LHX4: variants seen among roughly 807,000 people sequenced by gnomAD.
The protein encoded by LHX4 is LIM/homeobox protein Lhx4.
In LHX4, 16 loss-of-function variants were observed where a neutral mutation model predicts 39.2. The ratio of observed to expected loss-of-function variants is 0.41; its 90% CI spans 0.28 to 0.62. LHX4 has a LOEUF of 0.62. Among genes scored for constraint, LHX4 ranks in the 20% least tolerant of loss-of-function variants. The pLI is 0.33. For synonymous variants in LHX4, 206 were observed against 198.1 expected, an observed-to-expected ratio of 1.04 and a Z score of -0.33; for missense variants, 439 against 511.9, an observed-to-expected ratio of 0.86 and a Z score of 1.37.
At chr1:180,248,226 G>C in intron 1 of LHX4, 59 bp from the exon 2 acceptor site, 1 of 1,580,742 alleles carries the variant, frequency 6.3e-7, no homozygotes, top group Non-Finnish European at 8.7e-7. Context: ...CCAGGGCCTG[G>C]CCTGGTTAGC....
chr1:180,255,764 C>T lies in LHX4; in HGVS notation c.248+7308C>T, dbSNP rs527977346. On this transcript the variant is annotated intron_variant, in intron 2 of 5. Coordinates refer to ENST00000263726, the MANE Select transcript of LHX4 (RefSeq NM_033343.4). ...CCAGAGCGTGCAGTTCAGCTGCAGTCGCCTGGGCCACCCTCCCCGAGTGGG... is the reference window on the plus strand; with the variant it reads ...CCAGAGCGTGCAGTTCAGCTGCAGTTGCCTGGGCCACCCTCCCCGAGTGGG... 8.3e-4 allele frequency among the ~76,000 whole-genome samples: 127 copies of T among 152,368 alleles called. 1 individual carries two copies. Among genetic ancestry groups the T allele is most frequent in the Non-Finnish European group, 9.8e-4 (67 of 68,038 alleles).
At position 180,271,647 on chromosome 1, in the gene LHX4, G is replaced by A. The variant is rs923114358; in HGVS notation, c.606+113G>A. ...GGTTGGGCTCAGGGCTTGACCCCAG[G>A]GCTTTTGCCAGAACTGAAGACAGAG... On this transcript the variant is annotated intron_variant, in intron 4 of 5. Transcript: ENST00000263726. 5 of 1,437,322 alleles carry A rather than the reference G, an allele frequency of 3.5e-6. No individual in the cohort carries two copies. The African/African-American group carries it at 5.6e-5, about 16-fold the overall frequency. 89.0% of individuals were successfully genotyped at this position (1,437,322 alleles called of 1,614,324 possible). A position where few individuals can be genotyped will look rare whatever the true frequency, so the allele number is the denominator to read the frequency against.
intron 1 of LHX4, among the ~76,000 whole-genome samples, chr1:180,231,344 CT>C (rs1440583378): frequency 6.6e-6 from 1 of 151,762 alleles, no homozygotes; most frequent in Non-Finnish European, 1.5e-5. Context: ...TGTGTGGGAG[CT>C]TTGCTAGCCT....
At chr1:180,255,398 G>A (rs774968883) in intron 2 of LHX4, among the ~76,000 whole-genome samples, 16 of 152,060 alleles carry the variant, frequency 1.1e-4, no homozygotes, top group Non-Finnish European at 1.6e-4. Flanking sequence ...GCACACACGC[G>A]TGCACACACA....
rs1664260804 is a variant in LHX4 at position 180,234,267 on chromosome 1, T to C, written c.76+3662T>C. Among the ~76,000 whole-genome samples the C allele has an allele frequency of 6.9e-6, 1 of 144,688 alleles. No individual in the cohort carries two copies. The highest frequency in any genetic ancestry group is 2.2e-4 in the South Asian group (1 of 4,604). The allele number at this position is 144,688 out of a possible 152,430, so 94.9% of individuals were successfully genotyped here. The stretch of plus-strand genomic sequence containing the variant: ...ATTCCGAACATTCCGATATAGCAGC[T>C]GTAGGCACCATAGACCTCCCTCCCT... On this transcript the variant is annotated intron_variant, in intron 1 of 5. Transcript: ENST00000263726. The surrounding 1 kb of genome is among the most constrained non-coding windows in gnomAD (Gnocchi z 4.8).
At chr1:180,229,424 G>A (rs1356809729), upstream of LHX4, among the ~76,000 whole-genome samples, 4 of 152,118 alleles carry the variant, frequency 2.6e-5, no homozygotes, top group African/African-American at 7.2e-5. Context: ...GGGGACGCGC[G>A]CGGGGGGCCT....
upstream of LHX4, among the ~76,000 whole-genome samples, chr1:180,228,702 A>C (rs113542020): frequency 3.7e-4 from 56 of 152,314 alleles, no homozygotes; most frequent in African/African-American, 1.2e-3. Context: ...AGGACACACA[A>C]AAGTCACTGT....
intron 2 of LHX4, among the ~76,000 whole-genome samples, chr1:180,253,106 C>G (rs1647696324): frequency 6.6e-6 from 1 of 152,170 alleles, no homozygotes; most frequent in South Asian, 2.1e-4. Flanking sequence ...CAGGAGAGCC[C>G]ACCCCTGGTG....
rs1174321826 is a variant in LHX4 at position 180,248,617 on chromosome 1, C to G, written c.248+161C>G. 9.4e-6 allele frequency: 7 copies of G among 748,054 alleles called. No individual in the cohort carries two copies. The East Asian group carries it at 1.9e-4, about 20-fold the overall frequency. The allele number at this position is 748,054 out of a possible 1,614,324, so 46.3% of individuals were successfully genotyped here. A position where few individuals can be genotyped will look rare whatever the true frequency, so the allele number is the denominator to read the frequency against. On this transcript the variant is annotated intron_variant, in intron 2 of 5. Transcript: ENST00000263726. ...GAGAGGATGCCCCTTGTTGAGGTCC[C>G]CCTTCTGATCACTGGCCCATCACTG...
rs138212060 is a variant in LHX4 at position 180,246,580 on chromosome 1, A to G, written c.77-1705A>G. ...ACAAAAAGTAGCCGGGTGTGGTGGT[A>G]TGCGCCTGTAATCCCAGCTACTCAG... On this transcript the variant is annotated intron_variant, in intron 1 of 5. Transcript: ENST00000263726. Among the ~76,000 whole-genome samples the G allele has an allele frequency of 4.3e-3, 653 of 152,224 alleles. 3 individuals carry two copies. Among genetic ancestry groups the G allele is most frequent in the Middle Eastern group, 0.017 (5 of 294 alleles).
At chr1:180,229,964 A>AGGGGGG (rs370353766), upstream of LHX4, among the ~76,000 whole-genome samples, 1 of 73,490 alleles carries the variant, frequency 1.4e-5, no homozygotes, top group Admixed American at 1.0e-4. Context: ...GGAGGCGGGG[A>AGGGGGG]GGGGGGGGGG....
chr1:180,229,125 T>G (rs1404311027), upstream of LHX4, among the ~76,000 whole-genome samples: 1 of 152,236 alleles, frequency 6.6e-6, no homozygotes, highest in Non-Finnish European at 1.5e-5. Context: ...TAAGCGTTTC[T>G]CTACCTGTCC....
rs896529253 is a variant in LHX4, at chr1:180,274,516, C to G, written c.1110C>G (p.Gly370=). The change falls in exon 6 of 6, where the codon GGC becomes GGG. Residue 370 remains glycine (G), a synonymous_variant. Transcript: ENST00000263726. ...TSDISTGSSV[G]YPDFPTSPGS... The stretch of plus-strand genomic sequence containing the variant: ...ACATCTCCACAGGAAGCAGTGTAGG[C>G]TATCCCGACTTTCCAACTAGCCCAG... The G allele has an allele frequency of 6.2e-6, 10 of 1,608,152 alleles. No individual in the cohort carries two copies. In the African/African-American group the frequency reaches 8.0e-5, roughly 13 times the overall value.
At chr1:180,248,757 TGTTGCTCCAAAGAGCAACAGAAAGA>T (rs1313771926) in intron 2 of LHX4, 15 of 442,988 alleles carry the variant, frequency 3.4e-5, no homozygotes, top group Middle Eastern at 1.3e-3. Context: ...AAATCTCCTC[TGTTGCTCCAAAGAGCAACAGAAAGA>T]GTTGCTCTTT....
At chr1:180,245,846 T>C (rs1647362457) in intron 1 of LHX4, among the ~76,000 whole-genome samples, 1 of 152,086 alleles carries the variant, frequency 6.6e-6, no homozygotes, top group African/African-American at 2.4e-5. Context: ...GCAGCTGAGC[T>C]CCAGAATCCA....
At chr1:180,271,555 T>C (rs1435116697) in intron 4 of LHX4, 21 bp downstream of exon 4, 2 of 1,613,676 alleles carry the variant, frequency 1.2e-6, no homozygotes, top group Admixed American at 1.7e-5. Flanking sequence ...AGCACTCCTG[T>C]GCCCTCCGGG....
chr1:180,272,657 T>C (rs115104253), intron 5 of LHX4: 2,336 of 152,462 alleles, frequency 0.015, 27 homozygotes, highest in Non-Finnish European at 0.023. Flanking sequence ...ATCATAACTG[T>C]TCTCAGGTAC....
chr1:180,230,727 C>T lies in LHX4; in HGVS notation c.76+122C>T, dbSNP rs1253573462. ...GGGGCTGGCGGCCGGGGCGCAGAGG[C>T]GGTCACAGGGCAGGGGCACCAGCCA... is the stretch of plus-strand genomic sequence containing the variant. On this transcript the variant is annotated intron_variant, in intron 1 of 5. Transcript: ENST00000263726. This position sits in a 1 kb window ranked among gnomAD's most constrained non-coding sequence, Gnocchi z 5.8. 2 of 895,340 alleles carry T rather than the reference C, an allele frequency of 2.2e-6. No individual in the cohort carries two copies. Among genetic ancestry groups the T allele is most frequent in the East Asian group, 2.6e-5 (1 of 38,092 alleles). The allele number at this position is 895,340 out of a possible 1,614,324, so 55.5% of individuals were successfully genotyped here.
At chr1:180,237,476 T>C (rs536972728) in intron 1 of LHX4, among the ~76,000 whole-genome samples, 1 of 152,280 alleles carries the variant, frequency 6.6e-6, no homozygotes, top group East Asian at 1.9e-4. Flanking sequence ...GAGGCATTGC[T>C]TTTGGGGGTA....
Sources: gnomAD v4.1 joint callset for allele counts (sites outside exome capture counted in the v4.1 genomes callset) on GRCh38, gnomAD v4.1.1 for gene constraint, Gnocchi (gnomAD v3.1) non-coding constraint, MANE v1.5 for transcripts, NCBI Gene and HGNC (gene_info 2026-07-23, HGNC 2026-07-21) for gene names.